AZIN2: variants seen among roughly 807,000 people sequenced by gnomAD.
The protein encoded by AZIN2 is antizyme inhibitor 2.
In AZIN2, 28 loss-of-function variants were observed where a neutral mutation model predicts 47.8. That is an observed-to-expected ratio of 0.59 (90% CI 0.43 to 0.80). The LOEUF is 0.80. AZIN2 is among the 30% of genes least tolerant of loss of function. The pLI is 0.00. For missense variants in AZIN2, 535 were observed against 582.5 expected (o/e 0.92, Z 0.84); for synonymous variants, 221 against 239.4 (o/e 0.92, Z 0.71).
chr1:33,082,137 CG>C, intron 3 of AZIN2, 40 bp from the exon 4 acceptor site: 1 of 874,642 alleles, frequency 1.1e-6, no homozygotes, highest in Non-Finnish European at 1.8e-6. Flanking sequence ...GCAGCAGAGC[CG>C]GCCCCCCAGC....
chr1:33,093,036 C>T (rs1192750823), intron 6 of AZIN2, among the ~76,000 whole-genome samples: 2 of 152,218 alleles, frequency 1.3e-5, no homozygotes, highest in Non-Finnish European at 2.9e-5. Context: ...GGGACTGGAG[C>T]TGCCCCAGGA....
rs961402883 is a variant in AZIN2 at position 33,121,248 on chromosome 1, T to G, written c.*1066T>G. On this transcript the variant is annotated 3_prime_UTR_variant, in exon 12 of 12. Transcript: ENST00000294517. ...TAAAAGATTTGAGATGTAATTCATA[T>G]GCAATCATCAAATTCACCCTTTTAA... Among the ~76,000 whole-genome samples the G allele has an allele frequency of 6.6e-6, 1 of 152,208 alleles. No individual in the cohort carries two copies. The highest frequency in any genetic ancestry group is 1.5e-5 in the Non-Finnish European group (1 of 68,028).
intron 10 of AZIN2, among the ~76,000 whole-genome samples, chr1:33,117,215 C>G (rs934997516): frequency 6.6e-6 from 1 of 152,146 alleles, no homozygotes; most frequent in African/African-American, 2.4e-5. Context: ...CCAGGTCCCC[C>G]TGTGATTGTT....
the AZIN2 span, among the ~76,000 whole-genome samples, chr1:33,144,603 T>G: frequency 6.6e-6 from 1 of 152,250 alleles, no homozygotes; most frequent in East Asian, 1.9e-4. Context: ...TCAGTAAGAC[T>G]TCTAAGTAAA....
the AZIN2 span, among the ~76,000 whole-genome samples, chr1:33,138,636 A>AG: frequency 1.3e-4 from 19 of 147,770 alleles, no homozygotes; most frequent in Non-Finnish European, 2.4e-4. Context: ...CAAAAAAAAA[A>AG]AAAAAAAAAG....
intron 5 of AZIN2, among the ~76,000 whole-genome samples, chr1:33,086,574 A>C (rs551162191): frequency 6.6e-6 from 1 of 152,334 alleles, no homozygotes; most frequent in East Asian, 1.9e-4. Context: ...CATGCTTAAC[A>C]GCGTTGTGCC....
chr1:33,093,129 AG>A (rs1569978903), intron 6 of AZIN2, 152 bp from the exon 7 acceptor site: 4 of 938,152 alleles, frequency 4.3e-6, no homozygotes, highest in Non-Finnish European at 6.4e-6. Context: ...CAGGACTTGA[AG>A]GTTGATTGGC....
the AZIN2 span, chr1:33,142,654 C>G: frequency 6.6e-6 from 1 of 152,246 alleles, no homozygotes; most frequent in Non-Finnish European, 1.5e-5. Context: ...ACTTGACTTA[C>G]AATTGCACAA....
At chr1:33,103,822 T>C (rs1327266961) in intron 10 of AZIN2, among the ~76,000 whole-genome samples, 3 of 152,086 alleles carry the variant, frequency 2.0e-5, no homozygotes, top group African/African-American at 7.2e-5. Context: ...TCTGTTCATA[T>C]CTGTTTCCCT....
At chr1:33,095,091 C>T (rs1194913443) in intron 8 of AZIN2, among the ~76,000 whole-genome samples, 1 of 152,242 alleles carries the variant, frequency 6.6e-6, no homozygotes, top group Admixed American at 6.5e-5. Context: ...AACCTTTGGT[C>T]TGCTGCCTGT....
rs2124676884 is a variant in AZIN2 at position 33,119,923 on chromosome 1, C to T, written c.1245-121C>T. ...GAGGGGTCAGCAGCCTGTCCCTGCC[C>T]CTGCCCTCAGCTGAGCTCGGGCTCA... On this transcript the variant is annotated intron_variant, in intron 11 of 11. Transcript: ENST00000294517. The T allele has an allele frequency of 4.3e-6, 6 of 1,399,082 alleles. No homozygotes were observed. The South Asian group carries it at 6.5e-5, about 15-fold the overall frequency. The allele number at this position is 1,399,082 out of a possible 1,614,324, so 86.7% of individuals were successfully genotyped here.
chr1:33,118,071 G>C lies in AZIN2; in HGVS notation c.1199G>C (p.Gly400Ala). The C allele has an allele frequency of 6.6e-7, 1 of 1,524,588 alleles. No individual in the cohort carries two copies. 94.4% of individuals were successfully genotyped at this position (1,524,588 alleles called of 1,614,324 possible). ...GTGGGCATGGGTTCCCCCTTTTGGG[G>C]GACCCAGGCCTGCCACATCACCTAT... ...YTVGMGSPFW[G>A]TQACHITYAM... The change falls in exon 11 of 12, where the codon GGG becomes GCG. Residue 400 changes from glycine to alanine, a missense_variant. Coordinates refer to ENST00000294517, the MANE Select transcript of AZIN2 (RefSeq NM_052998.4).
the AZIN2 span, among the ~76,000 whole-genome samples, chr1:33,133,981 C>G: frequency 1.3e-5 from 2 of 152,194 alleles, no homozygotes; most frequent in African/African-American, 4.8e-5. Flanking sequence ...CTGCTGTTAC[C>G]ACTTACCAGC....
chr1:33,117,362 G>C (rs906712881), intron 10 of AZIN2, among the ~76,000 whole-genome samples: 19 of 152,296 alleles, frequency 1.2e-4, no homozygotes, highest in Non-Finnish European at 1.5e-4. Flanking sequence ...GGGAGCCCCA[G>C]GGCTGGGCTC....
chr1:33,139,267 C>T, the AZIN2 span, among the ~76,000 whole-genome samples: 1 of 152,164 alleles, frequency 6.6e-6, no homozygotes, highest in Admixed American at 6.5e-5. Flanking sequence ...TATCTCTGGT[C>T]TGTAAGTTCC....
At chr1:33,124,594 A>G (rs866240915), downstream of AZIN2, among the ~76,000 whole-genome samples, 6 of 152,122 alleles carry the variant, frequency 3.9e-5, no homozygotes, top group Non-Finnish European at 7.3e-5. The surrounding 1 kb of genome is among the most constrained non-coding windows in gnomAD (Gnocchi z 4.6). Context: ...ATATGTATAC[A>G]TGTGCCATGT....
At chr1:33,151,695 G>A in the AZIN2 span, among the ~76,000 whole-genome samples, 2 of 152,180 alleles carry the variant, frequency 1.3e-5, no homozygotes, top group African/African-American at 4.8e-5. Context: ...AGACACTGAG[G>A]CAGCCCGTCT....
At chr1:33,162,118 T>G in the AZIN2 span, among the ~76,000 whole-genome samples, 3 of 152,336 alleles carry the variant, frequency 2.0e-5, no homozygotes, top group East Asian at 3.9e-4. Flanking sequence ...GCAAACTCAC[T>G]GTCAGAGTGA....
At chr1:33,152,773 T>G in the AZIN2 span, among the ~76,000 whole-genome samples, 1 of 151,612 alleles carries the variant, frequency 6.6e-6, no homozygotes, top group Non-Finnish European at 1.5e-5. Context: ...GAGAGGGGAG[T>G]GCATTGCTCT....
Sources: gnomAD v4.1 joint callset for allele counts (sites outside exome capture counted in the v4.1 genomes callset) on GRCh38, gnomAD v4.1.1 for gene constraint, Gnocchi (gnomAD v3.1) non-coding constraint, MANE v1.5 for transcripts, NCBI Gene and HGNC (gene_info 2026-07-23, HGNC 2026-07-21) for gene names.